Variants in TSPAN18 observed in about 807,000 individuals in gnomAD.
TSPAN18 encodes the protein tetraspanin-18.
TSPAN18 carries 14 observed loss-of-function variants against 27.3 expected under a neutral mutation model. The ratio of observed to expected loss-of-function variants is 0.51; its 90% CI spans 0.34 to 0.80. The LOEUF (loss-of-function observed/expected upper bound fraction) is 0.80. TSPAN18 is among the 30% of genes least tolerant of loss of function. The probability of loss-of-function intolerance (pLI) is 0.01; values close to 1 mark genes in which losing one functional copy is unlikely to be tolerated. For synonymous variants in TSPAN18, 143 were observed against 136.5 expected, an observed-to-expected ratio of 1.05 and a Z score of -0.33; for missense variants, 268 against 323.9, an observed-to-expected ratio of 0.83 and a Z score of 1.32.
chr11:44,744,668 G>A (rs1460668325), intron 1 of TSPAN18, among the ~76,000 whole-genome samples: 1 of 152,234 alleles, frequency 6.6e-6, no homozygotes, highest in Non-Finnish European at 1.5e-5. Flanking sequence ...AGCTAGCTTT[G>A]CAGGGTTGGT....
chr11:44,795,354 C>CT (rs33979395), intron 2 of TSPAN18, among the ~76,000 whole-genome samples: 93,097 of 151,968 alleles, frequency 0.61, 31,110 homozygotes, highest in South Asian at 0.81. Context: ...TGCCCTGGAG[C>CT]TTCCCTGCCT....
At chr11:44,903,370 C>T (rs1308875977) in intron 3 of TSPAN18, 1 of 453,262 alleles carries the variant, frequency 2.2e-6, no homozygotes, top group South Asian at 1.6e-5. Context: ...GGGGGACTCT[C>T]CTTTGATGGT....
intron 8 of TSPAN18, among the ~76,000 whole-genome samples, chr11:44,922,172 A>C (rs989990815): frequency 3.4e-5 from 5 of 146,676 alleles, no homozygotes; most frequent in African/African-American, 1.3e-4. Context: ...GCTGGAGTGC[A>C]ATGGCACAAT....
chr11:44,758,051 G>A (rs1855371917), intron 1 of TSPAN18, among the ~76,000 whole-genome samples: 1 of 152,138 alleles, frequency 6.6e-6, no homozygotes, highest in Non-Finnish European at 1.5e-5. Context: ...AAAATCCAAT[G>A]TCAAATTGCT....
chr11:44,839,485 A>G (rs535969729), intron 2 of TSPAN18, among the ~76,000 whole-genome samples: 35 of 152,234 alleles, frequency 2.3e-4, no homozygotes, highest in African/African-American at 8.2e-4. Flanking sequence ...GAAAGAAAGT[A>G]TATCCTCCTG....
intron 2 of TSPAN18, among the ~76,000 whole-genome samples, chr11:44,841,823 G>A (rs1857380076): frequency 6.6e-6 from 1 of 152,234 alleles, no homozygotes; most frequent in Non-Finnish European, 1.5e-5. Context: ...GAGGTTGGCA[G>A]TGACCCCACC....
At chr11:44,870,194 T>C (rs994380212) in intron 3 of TSPAN18, among the ~76,000 whole-genome samples, 2 of 152,226 alleles carry the variant, frequency 1.3e-5, no homozygotes, top group Non-Finnish European at 2.9e-5. Flanking sequence ...CAATCTAATT[T>C]TAGAATATTT....
At chr11:44,739,468 G>GA (rs1189108903) in intron 1 of TSPAN18, among the ~76,000 whole-genome samples, 1 of 152,044 alleles carries the variant, frequency 6.6e-6, no homozygotes, top group African/African-American at 2.4e-5. Context: ...ACTAAAAATA[G>GA]AAAAAATTAG....
intron 1 of TSPAN18, among the ~76,000 whole-genome samples, chr11:44,762,201 A>G (rs143326686): frequency 1.3e-5 from 2 of 152,380 alleles, no homozygotes; most frequent in East Asian, 1.9e-4. Flanking sequence ...GCAAGGCTAT[A>G]GAGGCCAGAA....
intron 2 of TSPAN18, among the ~76,000 whole-genome samples, chr11:44,838,727 G>T (rs145809675): frequency 4.1e-4 from 63 of 152,312 alleles, no homozygotes; most frequent in African/African-American, 1.5e-3. Flanking sequence ...TCTAGAAAAG[G>T]CAAGGAAAAG....
intron 3 of TSPAN18, among the ~76,000 whole-genome samples, chr11:44,862,510 C>T (rs1014907958): frequency 2.0e-5 from 3 of 152,214 alleles, no homozygotes; most frequent in Non-Finnish European, 4.4e-5. Flanking sequence ...AGCTCAGCAC[C>T]TCTGGGTCAA....
chr11:44,927,880 A>G (rs1052493176), intron 9 of TSPAN18, among the ~76,000 whole-genome samples: 5 of 152,222 alleles, frequency 3.3e-5, no homozygotes, highest in African/African-American at 1.2e-4. Context: ...GAGGGATTAC[A>G]GATGACGGGG....
intron 2 of TSPAN18, among the ~76,000 whole-genome samples, chr11:44,776,880 C>T (rs1314662127): frequency 6.6e-6 from 1 of 152,184 alleles, no homozygotes; most frequent in Non-Finnish European, 1.5e-5. Flanking sequence ...GGCTTATATT[C>T]TGAGTGTTTT....
intron 5 of TSPAN18, among the ~76,000 whole-genome samples, chr11:44,916,672 T>C (rs1859922218): frequency 6.6e-6 from 1 of 152,148 alleles, no homozygotes; most frequent in South Asian, 2.1e-4. Flanking sequence ...AGGTGGGCCC[T>C]GAGGTGTCCT....
rs116999986 is a variant in TSPAN18 at position 44,863,310 on chromosome 11, G to A, written c.-11+2841G>A. The stretch of plus-strand genomic sequence containing the variant: ...CTTGAAAGACTGTGCCAGGCAGGAA[G>A]CCAGATGAACTCGGTTAGCCTTCTT... On this transcript the variant is annotated intron_variant, in intron 3 of 9. Coordinates refer to ENST00000520358, the MANE Select transcript of TSPAN18 (RefSeq NM_130783.5). Among the ~76,000 whole-genome samples the A allele has an allele frequency of 1.1e-4, 17 of 152,340 alleles. No individual in the cohort carries two copies. In the East Asian group the frequency reaches 3.3e-3, roughly 29 times the overall value.
intron 3 of TSPAN18, among the ~76,000 whole-genome samples, chr11:44,876,698 G>T (rs1274679473): frequency 1.3e-5 from 2 of 152,194 alleles, no homozygotes; most frequent in African/African-American, 4.8e-5. Flanking sequence ...AATAATACAT[G>T]TTCCTTGTTG....
chr11:44,733,823 A>T (rs923820945), intron 1 of TSPAN18, among the ~76,000 whole-genome samples: 1 of 152,142 alleles, frequency 6.6e-6, no homozygotes, highest in East Asian at 1.9e-4. Flanking sequence ...GCTCCCATCC[A>T]CCTGTGTACC....
At chr11:44,919,359 C>T in intron 7 of TSPAN18, 47 bp downstream of exon 7, 1 of 1,504,014 alleles carries the variant, frequency 6.6e-7, no homozygotes, top group Non-Finnish European at 9.2e-7. Context: ...GCCACGATGC[C>T]CAGTGTTCAC....
At chr11:44,884,407 G>T (rs1264693661) in intron 3 of TSPAN18, among the ~76,000 whole-genome samples, 2 of 152,194 alleles carry the variant, frequency 1.3e-5, no homozygotes, top group Non-Finnish European at 2.9e-5. Flanking sequence ...GTACAGGGGT[G>T]GGGGTAGAGG....
Sources: allele counts gnomAD v4.1 joint callset (sites outside exome capture counted in the v4.1 genomes callset), GRCh38; gene constraint gnomAD v4.1.1; transcripts MANE v1.5; gene names NCBI Gene and HGNC (gene_info 2026-07-23, HGNC 2026-07-21).